The following CATSPERB variants were observed in gnomAD, a reference collection of about 807,000 sequenced individuals.
CATSPERB encodes catsper channel auxiliary subunit beta, also known as cation channel sperm-associated auxiliary subunit beta.
CATSPERB carries 93 observed loss-of-function variants against 128.3 expected under a neutral mutation model. The ratio of observed to expected loss-of-function variants is 0.72; its 90% CI spans 0.61 to 0.86. The LOEUF is 0.86. Among genes scored for constraint, CATSPERB ranks in the 40% least tolerant of loss-of-function variants. The probability of loss-of-function intolerance (pLI) is 0.00; values close to 1 mark genes in which losing one functional copy is unlikely to be tolerated. For synonymous variants in CATSPERB, 381 were observed against 448.8 expected, an observed-to-expected ratio of 0.85 and a Z score of 1.91; for missense variants, 1,153 against 1,329.5, an observed-to-expected ratio of 0.87 and a Z score of 2.06.
intron 22 of CATSPERB, chr14:91,604,553 G>T: frequency 6.2e-7 from 1 of 1,608,322 alleles, no homozygotes; most frequent in Non-Finnish European, 8.5e-7. Flanking sequence ...AGGAGAATTT[G>T]GCTGGAACTG....
At chr14:91,584,144 C>T (rs1263147874) in intron 26 of CATSPERB, among the ~76,000 whole-genome samples, 1 of 152,112 alleles carries the variant, frequency 6.6e-6, no homozygotes, top group Non-Finnish European at 1.5e-5. Flanking sequence ...TCTTGGCTCA[C>T]TGCAATCTCT....
chr14:91,582,154 G>A (rs1030297682), intron 26 of CATSPERB, among the ~76,000 whole-genome samples: 6 of 152,116 alleles, frequency 3.9e-5, no homozygotes, highest in African/African-American at 1.2e-4. Flanking sequence ...CCACCAGTCC[G>A]TGTTGACATC....
Position 91,580,776 on chromosome 14 carries a change from A to G in CATSPERB, c.*113T>C, listed in dbSNP as rs747935496. The G allele has an allele frequency of 9.7e-5, 76 of 784,530 alleles. No homozygotes were observed. Among genetic ancestry groups the G allele is most frequent in the Non-Finnish European group, 1.3e-4 (66 of 493,054 alleles). 48.6% of individuals were successfully genotyped at this position (784,530 alleles called of 1,614,324 possible). Reference sequence around the variant, plus strand: ...ATTGACAAGTAGCAATTTGAATTATAATGACAATTCTTTAGGATTTTATGT... The same window carrying G: ...ATTGACAAGTAGCAATTTGAATTATGATGACAATTCTTTAGGATTTTATGT... On this transcript the variant is annotated 3_prime_UTR_variant, in exon 27 of 27. Coordinates refer to ENST00000256343, the MANE Select transcript of CATSPERB (RefSeq NM_024764.4).
chr14:91,719,749 G>A (rs1442020660), intron 4 of CATSPERB, among the ~76,000 whole-genome samples: 1 of 152,112 alleles, frequency 6.6e-6, no homozygotes, highest in Middle Eastern at 3.2e-3. Context: ...GCCACATAGT[G>A]GAACTCTGTA....
chr14:91,711,947 T>C (rs1895846990), intron 5 of CATSPERB, among the ~76,000 whole-genome samples: 1 of 152,266 alleles, frequency 6.6e-6, no homozygotes, highest in Middle Eastern at 3.4e-3. Context: ...TATTTGAACA[T>C]TTTACAACAC....
intron 22 of CATSPERB, among the ~76,000 whole-genome samples, chr14:91,597,734 T>C (rs1893531623): frequency 6.6e-6 from 1 of 152,212 alleles, no homozygotes; most frequent in African/African-American, 2.4e-5. Context: ...GAATGCAGTT[T>C]GTTTTAATTG....
At chr14:91,714,293 G>GAAAAAAAAAAAAA (rs1389596375) in intron 5 of CATSPERB, among the ~76,000 whole-genome samples, 1 of 74,012 alleles carries the variant, frequency 1.4e-5, no homozygotes, top group Non-Finnish European at 2.9e-5. Context: ...AAAAAAAAAA[G>GAAAAAAAAAAAAA]AAAAAAAGAA....
At chr14:91,594,026 G>T (rs1262700855) in intron 22 of CATSPERB, among the ~76,000 whole-genome samples, 3 of 152,172 alleles carry the variant, frequency 2.0e-5, no homozygotes, top group African/African-American at 7.2e-5. Context: ...CTGCTGCCAT[G>T]TAAGAAGTGC....
intron 13 of CATSPERB, among the ~76,000 whole-genome samples, chr14:91,670,891 T>TA (rs1318387821): frequency 2.0e-5 from 3 of 151,564 alleles, no homozygotes; most frequent in African/African-American, 7.3e-5. Flanking sequence ...TAATTTCTGT[T>TA]ACTTGGGAGG....
At chr14:91,668,332 A>G (rs572120853) in intron 14 of CATSPERB, among the ~76,000 whole-genome samples, 1 of 149,568 alleles carries the variant, frequency 6.7e-6, no homozygotes, top group African/African-American at 2.4e-5. Flanking sequence ...AAACACACCA[A>G]TCAGTGCTCT....
intron 23 of CATSPERB, among the ~76,000 whole-genome samples, chr14:91,591,662 T>C (rs1893405883): frequency 6.6e-6 from 1 of 151,980 alleles, no homozygotes; most frequent in South Asian, 2.1e-4. Context: ...ACAAATGCTG[T>C]GGAATGGACA....
In CATSPERB at chr14:91,728,637, T is replaced by G. The variant is rs113621058; in HGVS notation, c.79+764A>C. Among the ~76,000 whole-genome samples the G allele has an allele frequency of 4.9e-3, 741 of 152,312 alleles. 7 individuals carry two copies. The highest frequency in any genetic ancestry group is 0.017 in the African/African-American group (699 of 41,578). ...CCTAGAAATTCTCAGATTATAGAGT[T>G]TGCTAGATTCTGTTATAATAATAAA... On this transcript the variant is annotated intron_variant, in intron 2 of 26. Transcript: ENST00000256343.
intron 7 of CATSPERB, among the ~76,000 whole-genome samples, chr14:91,696,348 TA>T (rs1399044788): frequency 6.6e-6 from 1 of 152,174 alleles, no homozygotes; most frequent in Admixed American, 6.5e-5. Context: ...TCAAGAAAGC[TA>T]AAAGAAGAAA....
At position 91,683,867 on chromosome 14, in the gene CATSPERB, C is replaced by A; in HGVS notation, c.931+10G>T. On this transcript the variant is annotated intron_variant, in intron 11 of 26. Transcript: ENST00000256343. ...TCTCTTAATACAGTATATCTTTAACCAAAATTTACCTTCAAAGTGCTCTCT... is the reference window on the plus strand; with the variant it reads ...TCTCTTAATACAGTATATCTTTAACAAAAATTTACCTTCAAAGTGCTCTCT... The A allele has an allele frequency of 1.9e-6, 3 of 1,584,392 alleles. No individual in the cohort carries two copies. The highest frequency in any genetic ancestry group is 2.6e-6 in the Non-Finnish European group (3 of 1,162,248).
chr14:91,637,908 C>T (rs950772211), intron 16 of CATSPERB, among the ~76,000 whole-genome samples: 6 of 152,058 alleles, frequency 3.9e-5, no homozygotes, highest in African/African-American at 1.4e-4. Flanking sequence ...TAGTTCTACC[C>T]TCCTGCTCAC....
chr14:91,619,459 T>C (rs1279495898), intron 19 of CATSPERB, among the ~76,000 whole-genome samples: 1 of 152,074 alleles, frequency 6.6e-6, no homozygotes, highest in African/African-American at 2.4e-5. Context: ...ATCCACGATA[T>C]TGAGGGAAAT....
Position 91,610,701 on chromosome 14 carries a change from GGTTATTTAAAGTAACT to G in CATSPERB, c.2401-40_2401-25del, listed in dbSNP as rs766212082. The G allele has an allele frequency of 3.1e-6, 5 of 1,607,848 alleles. No individual in the cohort carries two copies. In the South Asian group the frequency reaches 5.5e-5, roughly 18 times the overall value. On this transcript the variant is annotated intron_variant, in intron 20 of 26. Coordinates refer to ENST00000256343, the MANE Select transcript of CATSPERB (RefSeq NM_024764.4). ...CCCTGGAAATAACCAAATAAATGAA[GGTTATTTAAAGTAACT>G]GTTATGGACTGAACTGTGTCCAACC... is the stretch of plus-strand genomic sequence containing the variant.
intron 15 of CATSPERB, among the ~76,000 whole-genome samples, chr14:91,646,664 C>T (rs1894612901): frequency 6.6e-6 from 1 of 152,194 alleles, no homozygotes; most frequent in Non-Finnish European, 1.5e-5. Context: ...TTGTCTATCT[C>T]CACAATTAGA....
At chr14:91,729,302 A>T in intron 2 of CATSPERB, 99 bp downstream of exon 2, 1 of 504,056 alleles carries the variant, frequency 2.0e-6, no homozygotes, top group African/African-American at 2.0e-5. Context: ...TAAGATAAAG[A>T]AGAAATACTA....
Sources: allele counts gnomAD v4.1 joint callset (sites outside exome capture counted in the v4.1 genomes callset), GRCh38; gene constraint gnomAD v4.1.1; transcripts MANE v1.5; gene names NCBI Gene and HGNC (gene_info 2026-07-23, HGNC 2026-07-21).